CFAP299: variants seen among roughly 807,000 people sequenced by gnomAD.
CFAP299 encodes the protein cilia and flagella associated protein 299, also known as cilia- and flagella-associated protein 299.
Under a neutral mutation model 27.0 loss-of-function variants are expected in CFAP299, and 21 were observed. The observed-to-expected ratio is 0.78, with a 90% CI of 0.55 to 1.12. The LOEUF is 1.12. CFAP299 is among the 50% of genes most tolerant of loss of function. CFAP299 has a pLI of 0.00. For synonymous variants in CFAP299, 104 were observed against 98.1 expected, an observed-to-expected ratio of 1.06 and a Z score of -0.36; for missense variants, 310 against 276.6, an observed-to-expected ratio of 1.12 and a Z score of -0.86.
intron 3 of CFAP299, among the ~76,000 whole-genome samples, chr4:80,595,252 T>C (rs1407734861): frequency 6.6e-6 from 1 of 151,902 alleles, no homozygotes; most frequent in Non-Finnish European, 1.5e-5. Context: ...GTATGCAGCC[T>C]CCTCCCTCCC....
intron 2 of CFAP299, among the ~76,000 whole-genome samples, chr4:80,547,359 C>T (rs1734284319): frequency 6.6e-6 from 1 of 152,008 alleles, no homozygotes; most frequent in Non-Finnish European, 1.5e-5. Flanking sequence ...CTTCCTTTCA[C>T]CATATATAAA....
rs1159827722 is a variant in CFAP299, at chr4:80,335,842, A to C, written c.74A>C (p.Asp25Ala). 3.1e-6 allele frequency: 5 copies of C among 1,613,506 alleles called. No homozygotes were observed. Among genetic ancestry groups the C allele is most frequent in the Non-Finnish European group, 4.2e-6 (5 of 1,179,414 alleles). The change falls in exon 1 of 6, where the codon GAC becomes GCC. Residue 25 changes from aspartate to alanine, a missense_variant. Asp to Ala is a moderately radical substitution (Grantham distance 126). Coordinates refer to ENST00000358105, the MANE Select transcript of CFAP299 (RefSeq NM_152770.3). ...TTCAACGCCTATGAAGATTTCCTGG[A>C]CTCGCAGATCACTACTGTGGACTTG... ...TQFNAYEDFL[D>A]SQITTVDLYY...
chr4:80,444,255 A>G (rs746465276), intron 2 of CFAP299, among the ~76,000 whole-genome samples: 1 of 152,214 alleles, frequency 6.6e-6, no homozygotes, highest in South Asian at 2.1e-4. Context: ...AGCTGGAGGC[A>G]TCATGCTACC....
chr4:80,629,780 T>C (rs1392158425), intron 3 of CFAP299, among the ~76,000 whole-genome samples: 4 of 150,842 alleles, frequency 2.7e-5, no homozygotes, highest in Non-Finnish European at 5.9e-5. Flanking sequence ...CTTGGAAGGC[T>C]GAGGCAGGAG....
chr4:80,778,961 G>A (rs1726716578), intron 3 of CFAP299, among the ~76,000 whole-genome samples: 1 of 152,012 alleles, frequency 6.6e-6, no homozygotes, highest in African/African-American at 2.4e-5. Flanking sequence ...TGTAGATACT[G>A]TCTTAAACTA....
At chr4:80,508,498 T>G (rs1475038199) in intron 2 of CFAP299, among the ~76,000 whole-genome samples, 1 of 152,162 alleles carries the variant, frequency 6.6e-6, no homozygotes, top group African/African-American at 2.4e-5. Context: ...GCCTTATCTC[T>G]CTTTTAAATT....
intron 1 of CFAP299, among the ~76,000 whole-genome samples, chr4:80,347,026 T>G (rs902743913): frequency 1.3e-5 from 2 of 152,186 alleles, no homozygotes; most frequent in Admixed American, 6.5e-5. Flanking sequence ...TTTTATTCTC[T>G]TTGTAGCCAT....
chr4:80,931,125 A>G (rs1396943843), intron 4 of CFAP299, among the ~76,000 whole-genome samples: 1 of 151,112 alleles, frequency 6.6e-6, no homozygotes, highest in African/African-American at 2.5e-5. Context: ...TTGATTTTAA[A>G]TGAGAAAAGA....
intron 2 of CFAP299, among the ~76,000 whole-genome samples, chr4:80,456,001 A>G (rs749648167): frequency 1.3e-5 from 2 of 152,194 alleles, no homozygotes; most frequent in Non-Finnish European, 2.9e-5. Flanking sequence ...TTGAAGAAAA[A>G]TAAAGCAGGA....
intron 3 of CFAP299, among the ~76,000 whole-genome samples, chr4:80,751,701 G>T (rs1271857563): frequency 6.6e-6 from 1 of 152,172 alleles, no homozygotes; most frequent in Non-Finnish European, 1.5e-5. Flanking sequence ...TGTAATAATT[G>T]AGTCTACTGA....
At chr4:80,455,940 C>T (rs377536582) in intron 2 of CFAP299, among the ~76,000 whole-genome samples, 3 of 148,752 alleles carry the variant, frequency 2.0e-5, no homozygotes, top group African/African-American at 7.5e-5. Flanking sequence ...GGAAGGTAGA[C>T]AATAAAGAAA....
At chr4:80,496,671 A>C (rs554220485) in intron 2 of CFAP299, among the ~76,000 whole-genome samples, 1 of 152,248 alleles carries the variant, frequency 6.6e-6, no homozygotes, top group South Asian at 2.1e-4. Context: ...GTAATGCCCC[A>C]TTTCTTGGAA....
chr4:80,362,928 G>A, intron 2 of CFAP299, 44 bp downstream of exon 2: 1 of 1,550,664 alleles, frequency 6.4e-7, no homozygotes, highest in Non-Finnish European at 8.7e-7. Flanking sequence ...TTATATTCTA[G>A]ACCTCTGGAG....
chr4:80,810,515 AGAG>A (rs1729093883), intron 3 of CFAP299, among the ~76,000 whole-genome samples: 1 of 152,092 alleles, frequency 6.6e-6, no homozygotes, highest in South Asian at 2.1e-4. Flanking sequence ...ACTTCTAAGA[AGAG>A]GAGAAGATGC....
At chr4:80,567,063 GA>G (rs772556261) in intron 2 of CFAP299, among the ~76,000 whole-genome samples, 1 of 151,870 alleles carries the variant, frequency 6.6e-6, no homozygotes, top group Non-Finnish European at 1.5e-5. Context: ...AGTAAAGTCT[GA>G]CTGATGTAAG....
chr4:80,600,737 G>A (rs1737298982), intron 3 of CFAP299, among the ~76,000 whole-genome samples: 1 of 152,078 alleles, frequency 6.6e-6, no homozygotes, highest in South Asian at 2.1e-4. Context: ...CTGAGGAATG[G>A]TTCTGTGTAT....
chr4:80,750,759 A>G (rs1168361757), intron 3 of CFAP299, among the ~76,000 whole-genome samples: 1 of 152,162 alleles, frequency 6.6e-6, no homozygotes, highest in Admixed American at 6.6e-5. Flanking sequence ...ACTCTACTTA[A>G]ATTATTCTTC....
At chr4:80,436,279 G>C (rs1313785536) in intron 2 of CFAP299, among the ~76,000 whole-genome samples, 1 of 151,784 alleles carries the variant, frequency 6.6e-6, no homozygotes, top group African/African-American at 2.4e-5. Context: ...AACTTGATGG[G>C]TACAAAATGT....
chr4:80,476,952 T>TGCAC (rs1553926281), intron 2 of CFAP299, among the ~76,000 whole-genome samples: 88 of 131,378 alleles, frequency 6.7e-4, no homozygotes, highest in African/African-American at 2.3e-3. Context: ...TGCGTGTGTG[T>TGCAC]GCGCATGCGT....
Sources: gnomAD v4.1 joint callset for allele counts (sites outside exome capture counted in the v4.1 genomes callset) on GRCh38, gnomAD v4.1.1 for gene constraint, MANE v1.5 for transcripts, NCBI Gene and HGNC (gene_info 2026-07-23, HGNC 2026-07-21) for gene names.